Variants in CDH13 observed in about 807,000 individuals in gnomAD.
CDH13 encodes the protein cadherin-13.
A neutral mutation model predicts 63.8 loss-of-function variants in CDH13; 24 were observed. That is an observed-to-expected ratio of 0.38 (90% CI 0.27 to 0.53). The LOEUF is 0.53. Among genes scored for constraint, CDH13 ranks in the 20% least tolerant of loss-of-function variants. The probability of loss-of-function intolerance (pLI) is 0.85; values close to 1 mark genes in which losing one functional copy is unlikely to be tolerated. For missense variants in CDH13, 1,049 were observed against 903.1 expected (o/e 1.16, Z -2.07); for synonymous variants, 503 against 355.3 (o/e 1.42, Z -4.67).
intron 4 of CDH13, among the ~76,000 whole-genome samples, chr16:83,157,557 G>A (rs1241822095): frequency 6.6e-6 from 1 of 152,026 alleles, no homozygotes; most frequent in African/African-American, 2.4e-5. Flanking sequence ...TTATGGAAAC[G>A]CAAAAGGACC....
intron 1 of CDH13, among the ~76,000 whole-genome samples, chr16:82,677,426 A>G (rs1914055137): frequency 6.7e-6 from 1 of 148,894 alleles, no homozygotes; most frequent in Non-Finnish European, 1.5e-5. Flanking sequence ...AAAGCTATAC[A>G]AAGGAAAGGA....
chr16:83,549,228 C>T (rs775565538), intron 7 of CDH13, among the ~76,000 whole-genome samples: 3 of 152,172 alleles, frequency 2.0e-5, no homozygotes, highest in African/African-American at 7.2e-5. Flanking sequence ...GGAGAGCCCA[C>T]GGGAGCACCT....
At chr16:83,404,505 C>G (rs144875021) in intron 6 of CDH13, among the ~76,000 whole-genome samples, 7 of 152,324 alleles carry the variant, frequency 4.6e-5, no homozygotes, top group African/African-American at 1.7e-4. Context: ...TTAGAGCCCA[C>G]AAGAAGAACT....
chr16:83,608,069 A>T (rs1433173790), intron 8 of CDH13, among the ~76,000 whole-genome samples: 3 of 152,014 alleles, frequency 2.0e-5, no homozygotes, highest in East Asian at 1.9e-4. Flanking sequence ...TATAAAATTT[A>T]AAAAAAACAG....
At chr16:83,176,983 G>T (rs151089593) in intron 4 of CDH13, among the ~76,000 whole-genome samples, 1 of 152,152 alleles carries the variant, frequency 6.6e-6, no homozygotes, top group African/African-American at 2.4e-5. Context: ...CGGATGCCAT[G>T]ATGAGGCACT....
chr16:82,706,600 G>T (rs2031509974), intron 1 of CDH13, among the ~76,000 whole-genome samples: 2 of 151,582 alleles, frequency 1.3e-5, no homozygotes, highest in African/African-American at 2.4e-5. Flanking sequence ...TTGGAGACCA[G>T]CCTGGCCAAC....
chr16:83,719,673 C>T (rs906471266), intron 10 of CDH13, among the ~76,000 whole-genome samples: 4 of 152,194 alleles, frequency 2.6e-5, no homozygotes, highest in Non-Finnish European at 2.9e-5. Context: ...GAGGTATGCA[C>T]GGTTACTTCC....
intron 5 of CDH13, among the ~76,000 whole-genome samples, chr16:83,227,318 G>A (rs2151798850): frequency 6.6e-6 from 1 of 152,308 alleles, no homozygotes; most frequent in African/African-American, 2.4e-5. Context: ...TCCCGCAGTG[G>A]TCCTGATAAG....
intron 2 of CDH13, among the ~76,000 whole-genome samples, chr16:82,923,846 T>A (rs1329457705): frequency 6.6e-6 from 1 of 152,198 alleles, no homozygotes; most frequent in Non-Finnish European, 1.5e-5. Flanking sequence ...TAATTTAAGA[T>A]AAAGAGAAAA....
intron 1 of CDH13, among the ~76,000 whole-genome samples, chr16:82,730,252 A>G (rs530712638): frequency 6.6e-5 from 10 of 152,206 alleles, no homozygotes; most frequent in Non-Finnish European, 1.5e-4. Context: ...CTTTCAACAT[A>G]CTTTCCTCAC....
At chr16:82,969,745 G>A (rs7199767) in intron 2 of CDH13, among the ~76,000 whole-genome samples, 6 of 151,950 alleles carry the variant, frequency 3.9e-5, no homozygotes, top group South Asian at 4.2e-4. Flanking sequence ...AGGCTAGTCC[G>A]TGCACAATAT....
rs546749287 is a variant in CDH13, at chr16:82,644,329, C to T, written c.45+17192C>T. On this transcript the variant is annotated intron_variant, in intron 1 of 13. Coordinates refer to ENST00000567109, the MANE Select transcript of CDH13 (RefSeq NM_001257.5). The surrounding 1 kb of genome is among the most constrained non-coding windows in gnomAD (Gnocchi z 5.7). ...ATCAAGGCCCCCCGAACTCCTCCCA[C>T]CCCTGCCTTCTGCGTCTCCCTCTGT... is the stretch of plus-strand genomic sequence containing the variant. Among the ~76,000 whole-genome samples the T allele has an allele frequency of 2.6e-5, 4 of 152,240 alleles. No homozygotes were observed. The East Asian group carries it at 7.7e-4, about 29-fold the overall frequency.
rs74030837 is a variant in CDH13 at position 82,755,463 on chromosome 16, A to C, written c.46-102899A>C. Among the ~76,000 whole-genome samples the C allele has an allele frequency of 4.0e-3, 608 of 152,352 alleles. 3 individuals carry two copies. Among genetic ancestry groups the C allele is most frequent in the African/African-American group, 0.014 (585 of 41,576 alleles). On this transcript the variant is annotated intron_variant, in intron 1 of 13. Transcript: ENST00000567109. Reference sequence around the variant, plus strand: ...GTCTCTGAGGAGGTAATCTTGTTCAAATAATAGCTTTTCTTGTAACCATAT... The same window carrying C: ...GTCTCTGAGGAGGTAATCTTGTTCACATAATAGCTTTTCTTGTAACCATAT...
At chr16:82,850,311 C>G (rs1338518625) in intron 1 of CDH13, among the ~76,000 whole-genome samples, 3 of 152,162 alleles carry the variant, frequency 2.0e-5, no homozygotes, top group South Asian at 2.1e-4. Context: ...AGGTTCAAGA[C>G]TTCAGTGGAG....
intron 4 of CDH13, among the ~76,000 whole-genome samples, chr16:83,163,687 T>C (rs1266716682): frequency 6.6e-6 from 1 of 152,100 alleles, no homozygotes; most frequent in African/African-American, 2.4e-5. Flanking sequence ...GTGTTTGATA[T>C]GGTGCCAGCT....
chr16:83,005,996 C>G lies in CDH13; in HGVS notation c.158-26014C>G, dbSNP rs768400922. Among the ~76,000 whole-genome samples, 7 of 152,272 alleles carry G rather than the reference C, an allele frequency of 4.6e-5. No homozygotes were observed. In the East Asian group the frequency reaches 1.2e-3, roughly 25 times the overall value. On this transcript the variant is annotated intron_variant, in intron 2 of 13. Coordinates refer to ENST00000567109, the MANE Select transcript of CDH13 (RefSeq NM_001257.5). ...GCAAAAGTCCTTCATATGTCATTGA[C>G]AATAGAATTTAAGTATTTTTGAAAT...
chr16:83,438,181 C>T (rs1405344037), intron 6 of CDH13, among the ~76,000 whole-genome samples: 1 of 152,220 alleles, frequency 6.6e-6, no homozygotes, highest in Non-Finnish European at 1.5e-5. Context: ...ACAGGAGAGC[C>T]TGAGGGACTT....
intron 5 of CDH13, among the ~76,000 whole-genome samples, chr16:83,297,447 G>A (rs984206529): frequency 6.6e-6 from 1 of 152,090 alleles, no homozygotes; most frequent in Non-Finnish European, 1.5e-5. Context: ...GTGAATAAGG[G>A]CAGAAAGACT....
intron 2 of CDH13, among the ~76,000 whole-genome samples, chr16:82,956,162 A>G (rs1906061935): frequency 6.6e-6 from 1 of 151,660 alleles, no homozygotes; most frequent in Non-Finnish European, 1.5e-5. Context: ...TGCTGTTGCC[A>G]AAACCACAAA....
Sources: allele counts gnomAD v4.1 joint callset (sites outside exome capture counted in the v4.1 genomes callset), GRCh38; gene constraint gnomAD v4.1.1; non-coding constraint Gnocchi (gnomAD v3.1); transcripts MANE v1.5; gene names NCBI Gene and HGNC (gene_info 2026-07-23, HGNC 2026-07-21).